The following IFI44L variants were observed in gnomAD, a reference collection of about 807,000 sequenced individuals.
IFI44L encodes interferon induced protein 44 like, also known as interferon-induced protein 44-like.
Under a neutral mutation model 39.3 loss-of-function variants are expected in IFI44L, and 40 were observed. That is an observed-to-expected ratio of 1.02 (90% CI 0.79 to 1.33). The LOEUF is 1.33. Among genes scored for constraint, IFI44L ranks in the 40% most tolerant of loss-of-function variants. IFI44L has a pLI of 0.00. For missense variants in IFI44L, 623 were observed against 549.0 expected (o/e 1.13, Z -1.35); for synonymous variants, 198 against 182.3 (o/e 1.09, Z -0.69).
intron 2 of IFI44L, 156 bp from the exon 3 acceptor site, chr1:78,628,795 C>A: frequency 1.7e-6 from 1 of 594,728 alleles, no homozygotes; most frequent in Non-Finnish European, 3.0e-6. Flanking sequence ...ATAATTTTTC[C>A]TCCTCTTCCT....
At chr1:78,632,089 T>C (rs753681895) in intron 4 of IFI44L, among the ~76,000 whole-genome samples, 25 of 152,198 alleles carry the variant, frequency 1.6e-4, no homozygotes, top group Non-Finnish European at 2.9e-4. Context: ...GGCAGTTGTC[T>C]TTAGAAAAAG....
At chr1:78,637,000 T>C (rs1292265354) in intron 5 of IFI44L, 32 bp from the exon 6 acceptor site, 6 of 1,544,334 alleles carry the variant, frequency 3.9e-6, no homozygotes, top group Non-Finnish European at 5.3e-6. Context: ...GGCTCTCTGA[T>C]TTCTGAATGT....
chr1:78,642,492 C>T lies in IFI44L; in HGVS notation c.*683C>T, dbSNP rs901006254. 2 of 151,460 alleles carry T rather than the reference C, an allele frequency of 1.3e-5. No homozygotes were observed. The highest frequency in any genetic ancestry group is 2.9e-5 in the Non-Finnish European group (2 of 67,942). 9.4% of individuals were successfully genotyped at this position (151,460 alleles called of 1,614,324 possible). Reference sequence around the variant, plus strand: ...AGTTACTCAGGATGATTGATTGAGCCTTGGAGGTGGAGGCTACAGTGAGCT... The same window carrying T: ...AGTTACTCAGGATGATTGATTGAGCTTTGGAGGTGGAGGCTACAGTGAGCT... On this transcript the variant is annotated 3_prime_UTR_variant, in exon 9 of 9. Transcript: ENST00000370751.
Position 78,641,772 on chromosome 1 carries a change from C to G in IFI44L, c.1325-3C>G, listed in dbSNP as rs1646988406. 1 of 1,613,534 alleles carries G rather than the reference C, an allele frequency of 6.2e-7. No individual in the cohort carries two copies. The highest frequency in any genetic ancestry group is 1.7e-5 in the Admixed American group (1 of 59,972). ...TTTCCACTCTTGTTTGTTTCATTTT[C>G]AGGTGCAATTGAGAGAGCGTTACAG... On this transcript the variant is annotated splice_polypyrimidine_tract_variant and splice_region_variant and intron_variant, in intron 8 of 8. Transcript: ENST00000370751.
chr1:78,629,998 T>C (rs752712115), intron 4 of IFI44L, 83 bp downstream of exon 4: 1 of 1,218,592 alleles, frequency 8.2e-7, no homozygotes, highest in Admixed American at 1.9e-5. Flanking sequence ...CTTAGGGCAA[T>C]CCTAATATAC....
At chr1:78,637,304 C>T (rs1022156959) in intron 6 of IFI44L, 101 bp downstream of exon 6, 1 of 870,344 alleles carries the variant, frequency 1.1e-6, no homozygotes, top group African/African-American at 1.8e-5. Flanking sequence ...ACCTTTCATC[C>T]TATTTCCCTG....
At position 78,629,878 on chromosome 1, in the gene IFI44L, C is replaced by G. The variant is rs761494321; in HGVS notation, c.686C>G (p.Ala229Gly). Residue 229 changes from alanine to glycine, a missense_variant, in exon 4 of 9, where the codon GCC becomes GGC. Coordinates refer to ENST00000370751, the MANE Select transcript of IFI44L (RefSeq NM_006820.4). ...TTTCATGGCCATGTGACTGGCCAAG[C>G]CGTAGTGGGGTCTGATATCACCAGC... ...SIFHGHVTGQ[A>G]VVGSDITSIT... 6.2e-7 allele frequency: 1 copy of G among 1,613,636 alleles called. No individual in the cohort carries two copies. Among genetic ancestry groups the G allele is most frequent in the South Asian group, 1.1e-5 (1 of 91,082 alleles).
rs1647043137 is a variant in IFI44L at position 78,645,905 on chromosome 1, C to T, written c.*4096C>T. 6.6e-6 allele frequency: 1 copy of T among 152,182 alleles called. No individual in the cohort carries two copies. The highest frequency in any genetic ancestry group is 2.4e-5 in the African/African-American group (1 of 41,454). 9.4% of individuals were successfully genotyped at this position (152,182 alleles called of 1,614,324 possible). On this transcript the variant is annotated 3_prime_UTR_variant, in exon 9 of 9. Transcript: ENST00000370751. ...TACCCTCCCACAATCCCACTTCCTT[C>T]CTCAACACAATTCAAACAAATAGAC... is the stretch of plus-strand genomic sequence containing the variant.
chr1:78,627,877 T>G (rs1261668736), intron 1 of IFI44L, 29 bp from the exon 2 acceptor site: 3 of 1,317,484 alleles, frequency 2.3e-6, no homozygotes, highest in Admixed American at 5.6e-5. Flanking sequence ...TTATATAAGC[T>G]TCTCAACCTA....
intron 6 of IFI44L, among the ~76,000 whole-genome samples, chr1:78,637,773 T>C (rs1273156812): frequency 6.6e-6 from 1 of 152,156 alleles, no homozygotes; most frequent in East Asian, 1.9e-4. Flanking sequence ...TTGACATCCA[T>C]CCAAGATGTA....
chr1:78,635,664 T>A (rs1349185920), intron 5 of IFI44L, 175 bp downstream of exon 5: 1 of 608,864 alleles, frequency 1.6e-6, no homozygotes, highest in Non-Finnish European at 2.8e-6. Context: ...ACTATTGTTC[T>A]TTTCTGTAAC....
intron 1 of IFI44L, among the ~76,000 whole-genome samples, chr1:78,623,537 A>T (rs1467202182): frequency 6.6e-6 from 1 of 151,966 alleles, no homozygotes; most frequent in Admixed American, 6.5e-5. Flanking sequence ...TAAAAAAAAT[A>T]AAATTAAAAA....
chr1:78,641,066 A>C lies in IFI44L; in HGVS notation c.1094A>C (p.Glu365Ala). 1 of 1,612,942 alleles carries C rather than the reference A, an allele frequency of 6.2e-7. No homozygotes were observed. The highest frequency in any genetic ancestry group is 1.1e-5 in the South Asian group (1 of 91,062). The part of the protein sequence containing the change: ...ALLTKVDDCS[E>A]VLQDNFLNMS... ...CTTACTAAAGTGGATGATTGCAGTGAGGTTCTTCAAGACAACTTTTTAAAC... is the reference window on the plus strand; with the variant it reads ...CTTACTAAAGTGGATGATTGCAGTGCGGTTCTTCAAGACAACTTTTTAAAC... Residue 365 changes from glutamate to alanine, a missense_variant, in exon 7 of 9, where the codon GAG becomes GCG. Glu to Ala is a moderately radical substitution (Grantham distance 107). Transcript: ENST00000370751.
chr1:78,631,398 T>G (rs1193114764), intron 4 of IFI44L: 3 of 152,178 alleles, frequency 2.0e-5, no homozygotes, highest in African/African-American at 7.2e-5. Flanking sequence ...GGATTACGCC[T>G]CTGCGTTTCA....
Position 78,646,048 on chromosome 1 carries a change from A to C in IFI44L, c.*4239A>C, listed in dbSNP as rs1380483742. 1.3e-5 allele frequency: 2 copies of C among 152,140 alleles called. No homozygotes were observed. The highest frequency in any genetic ancestry group is 4.8e-5 in the African/African-American group (2 of 41,440). The allele number at this position is 152,140 out of a possible 1,614,324, so 9.4% of individuals were successfully genotyped here. On this transcript the variant is annotated 3_prime_UTR_variant, in exon 9 of 9. Coordinates refer to ENST00000370751, the MANE Select transcript of IFI44L (RefSeq NM_006820.4). ...CAAGCTGTGCTAAATAATTACGTGT[A>C]AATATATTTTTTCATTTTTAAAAAT...
In IFI44L at chr1:78,644,478, T is replaced by A. The variant is rs1647025297; in HGVS notation, c.*2669T>A. The A allele has an allele frequency of 6.6e-6, 1 of 152,116 alleles. No individual in the cohort carries two copies. The allele number at this position is 152,116 out of a possible 1,614,324, so 9.4% of individuals were successfully genotyped here. A position where few individuals can be genotyped will look rare whatever the true frequency, so the allele number is the denominator to read the frequency against. Reference sequence around the variant, plus strand: ...GCTTTGGAAACACTTAAACATCAAATGGAGTTAAATACATATTTGAAATTT... The same window carrying A: ...GCTTTGGAAACACTTAAACATCAAAAGGAGTTAAATACATATTTGAAATTT... On this transcript the variant is annotated 3_prime_UTR_variant, in exon 9 of 9. Transcript: ENST00000370751.
In IFI44L at chr1:78,632,516, T is replaced by C. The variant is rs183665791; in HGVS notation, c.723+2601T>C. The stretch of plus-strand genomic sequence containing the variant: ...TAAAAAATCATGCATGAGTAAAGGA[T>C]ATATTCAAAGTATAAGACAAACCAA... On this transcript the variant is annotated intron_variant, in intron 4 of 8. Transcript: ENST00000370751. 1.2e-3 allele frequency among the ~76,000 whole-genome samples: 180 copies of C among 152,284 alleles called. 1 individual carries two copies. Among genetic ancestry groups the C allele is most frequent in the African/African-American group, 3.9e-3 (164 of 41,566 alleles).
At chr1:78,621,444 G>C (rs926727219) in intron 1 of IFI44L, among the ~76,000 whole-genome samples, 3 of 151,936 alleles carry the variant, frequency 2.0e-5, no homozygotes, top group African/African-American at 7.3e-5. Flanking sequence ...GCTAATTTTT[G>C]TATTTTTAGT....
intron 6 of IFI44L, among the ~76,000 whole-genome samples, chr1:78,638,704 C>T (rs1265615172): frequency 6.6e-6 from 1 of 151,992 alleles, no homozygotes; most frequent in Non-Finnish European, 1.5e-5. Context: ...AGACATCCCA[C>T]TTCCTTCATT....
Sources: allele counts gnomAD v4.1 joint callset (sites outside exome capture counted in the v4.1 genomes callset), GRCh38; gene constraint gnomAD v4.1.1; transcripts MANE v1.5; gene names NCBI Gene and HGNC (gene_info 2026-07-23, HGNC 2026-07-21).